The following E2F2 variants were observed in gnomAD, a reference collection of about 807,000 sequenced individuals.
E2F2 encodes the protein E2F transcription factor 2, also known as transcription factor E2F2.
E2F2 carries 22 observed loss-of-function variants against 42.2 expected under a neutral mutation model. The observed-to-expected ratio is 0.52, with a 90% confidence interval of 0.37 to 0.74. E2F2 has a LOEUF of 0.74. Ranked by LOEUF, E2F2 falls within the 30% of genes least tolerant of loss-of-function variation. The pLI is 0.00. For missense variants in E2F2, 481 were observed against 557.8 expected (o/e 0.86, Z 1.39); for synonymous variants, 248 against 251.6 (o/e 0.99, Z 0.13).
chr1:23,509,906 C>A lies in E2F2; in HGVS notation c.1288G>T (p.Asp430Tyr). The A allele has an allele frequency of 6.4e-7, 1 of 1,573,250 alleles. No individual in the cohort carries two copies. The highest frequency in any genetic ancestry group is 1.2e-5 in the South Asian group (1 of 84,646). ...CAATTAATCAACAGGTCCCCAAGGTCGTAGGAGTCGAAGAGATCGCTGATG... is the reference window on the plus strand; with the variant it reads ...CAATTAATCAACAGGTCCCCAAGGTAGTAGGAGTCGAAGAGATCGCTGATG... ...EGISDLFDSYDLGDLLIN is the reference protein window; with the variant it reads ...EGISDLFDSYYLGDLLIN The change falls in exon 7 of 7, where the codon GAC becomes TAC. Residue 430 changes from aspartate (D) to tyrosine (Y), a missense_variant. Coordinates refer to ENST00000361729, the MANE Select transcript of E2F2 (RefSeq NM_004091.4).
chr1:23,522,668 C>A (rs1429401131), intron 2 of E2F2, among the ~76,000 whole-genome samples: 2 of 152,174 alleles, frequency 1.3e-5, no homozygotes, highest in African/African-American at 4.8e-5. Context: ...GCTTTTTCTT[C>A]CCATGTGAAT....
chr1:23,528,345 A>T (rs886064373), intron 1 of E2F2, among the ~76,000 whole-genome samples: 1 of 152,222 alleles, frequency 6.6e-6, no homozygotes, highest in African/African-American at 2.4e-5. Flanking sequence ...CAGCCCGGCC[A>T]CAAAGCAAGC....
chr1:23,512,122 C>T (rs1206937302), intron 6 of E2F2, among the ~76,000 whole-genome samples: 1 of 152,100 alleles, frequency 6.6e-6, no homozygotes, highest in Non-Finnish European at 1.5e-5. Context: ...CATTGGAACC[C>T]AGGAGGTGGA....
intron 5 of E2F2, among the ~76,000 whole-genome samples, chr1:23,516,798 C>CGGG (rs71023283): frequency 1.8e-4 from 15 of 81,806 alleles, no homozygotes; most frequent in East Asian, 3.2e-4. Flanking sequence ...AGTTTTGGGG[C>CGGG]GGGGGGGGGG....
chr1:23,519,172 T>C (rs1354820833), intron 4 of E2F2, 42 bp from the exon 5 acceptor site: 4 of 1,536,788 alleles, frequency 2.6e-6, no homozygotes, highest in Non-Finnish European at 3.6e-6. Context: ...CTGGTCAAAA[T>C]TCAAACCCCA....
chr1:23,520,864 T>C (rs780018800), intron 4 of E2F2, 49 bp downstream of exon 4: 2 of 1,486,010 alleles, frequency 1.3e-6, no homozygotes, highest in Non-Finnish European at 1.8e-6. Context: ...GATATAAACA[T>C]GCAACAGGTT....
intron 2 of E2F2, 81 bp downstream of exon 2, chr1:23,524,302 T>C (rs1295727114): frequency 6.5e-6 from 7 of 1,083,344 alleles, no homozygotes; most frequent in Non-Finnish European, 9.0e-6. Flanking sequence ...GTGATCCAAA[T>C]ATGACTACCA....
At chr1:23,519,805 C>G (rs966566019) in intron 4 of E2F2, among the ~76,000 whole-genome samples, 1 of 151,966 alleles carries the variant, frequency 6.6e-6, no homozygotes, top group African/African-American at 2.4e-5. Flanking sequence ...AGGCCGGGTG[C>G]GGTATCTCAC....
downstream of E2F2, among the ~76,000 whole-genome samples, chr1:23,505,664 A>G (rs371067289): frequency 8.6e-5 from 13 of 151,176 alleles, no homozygotes; most frequent in East Asian, 7.8e-4. Context: ...AGGCGCCTGC[A>G]ACCATGCCCG....
chr1:23,510,126 G>C lies in E2F2; in HGVS notation c.1068C>G (p.Pro356=), dbSNP rs1411242254. The C allele has an allele frequency of 6.2e-7, 1 of 1,601,812 alleles. No individual in the cohort carries two copies. Among genetic ancestry groups the C allele is most frequent in the South Asian group, 1.1e-5 (1 of 88,706 alleles). Residue 356 remains proline, a synonymous_variant, in exon 7 of 7, where the codon CCC becomes CCG. Coordinates refer to ENST00000361729, the MANE Select transcript of E2F2 (RefSeq NM_004091.4). The part of the protein sequence containing the change: ...ASSVPAPAPT[P]QQAPPPPSLV... The stretch of plus-strand genomic sequence containing the variant: ...GGGATGGAGGCGGTGGGGCCTGCTG[G>C]GGGGTTGGCGCTGGTGCTGGCACTG...
downstream of E2F2, among the ~76,000 whole-genome samples, chr1:23,505,759 C>G (rs112289580): frequency 1.3e-5 from 2 of 152,184 alleles, no homozygotes; most frequent in Admixed American, 1.3e-4. Flanking sequence ...GCGATCCGCC[C>G]GCCTTGGACT....
At chr1:23,522,686 A>G (rs1358552873) in intron 2 of E2F2, among the ~76,000 whole-genome samples, 1 of 152,216 alleles carries the variant, frequency 6.6e-6, no homozygotes, top group Non-Finnish European at 1.5e-5. Flanking sequence ...AATCACAATG[A>G]TTATCTGAGA....
chr1:23,527,124 C>T (rs1039032594), intron 1 of E2F2, among the ~76,000 whole-genome samples: 1 of 152,190 alleles, frequency 6.6e-6, no homozygotes, highest in Non-Finnish European at 1.5e-5. Context: ...GCATCTAGGC[C>T]TTCCCCTTCT....
At chr1:23,528,287 C>T (rs764561564) in intron 1 of E2F2, among the ~76,000 whole-genome samples, 5 of 152,228 alleles carry the variant, frequency 3.3e-5, no homozygotes, top group Non-Finnish European at 7.3e-5. Flanking sequence ...TGCCTGAGGT[C>T]CCTTTAAACA....
At chr1:23,514,218 C>T (rs1268161154) in intron 6 of E2F2, among the ~76,000 whole-genome samples, 4 of 152,214 alleles carry the variant, frequency 2.6e-5, no homozygotes, top group Non-Finnish European at 2.9e-5. Context: ...AAGGTGGTTC[C>T]AGCTTCGGAG....
chr1:23,523,425 G>A (rs1643190226), intron 2 of E2F2, among the ~76,000 whole-genome samples: 3 of 152,156 alleles, frequency 2.0e-5, no homozygotes, highest in Admixed American at 2.0e-4. Context: ...CCAAAGTGCT[G>A]GGATTATAGG....
In E2F2 at chr1:23,509,710, A is replaced by C. The variant is rs541491496; in HGVS notation, c.*170T>G. On this transcript the variant is annotated 3_prime_UTR_variant, in exon 7 of 7. Transcript: ENST00000361729. Reference sequence around the variant, plus strand: ...CCCTTATCCACTCCTCACCCGTACCATTCATATCTCCCCACACAGCTTCTG... The same window carrying C: ...CCCTTATCCACTCCTCACCCGTACCCTTCATATCTCCCCACACAGCTTCTG... The C allele has an allele frequency of 1.3e-4, 171 of 1,323,058 alleles. 3 individuals carry two copies. In the South Asian group the frequency reaches 2.9e-3, roughly 22 times the overall value. 82.0% of individuals were successfully genotyped at this position (1,323,058 alleles called of 1,614,324 possible). A position where few individuals can be genotyped will look rare whatever the true frequency, so the allele number is the denominator to read the frequency against.
At chr1:23,525,208 C>T (rs1643231301) in intron 1 of E2F2, among the ~76,000 whole-genome samples, 2 of 152,184 alleles carry the variant, frequency 1.3e-5, no homozygotes, top group Admixed American at 1.3e-4. Context: ...TCCAGCTCCC[C>T]CTTTCTGTTC....
chr1:23,529,786 A>C (rs1570476281), intron 1 of E2F2, among the ~76,000 whole-genome samples: 1 of 149,454 alleles, frequency 6.7e-6, no homozygotes, highest in South Asian at 2.2e-4. Flanking sequence ...TTCCCACTCC[A>C]CCCCCCACCC....
Sources: allele counts gnomAD v4.1 joint callset (sites outside exome capture counted in the v4.1 genomes callset), GRCh38; gene constraint gnomAD v4.1.1; transcripts MANE v1.5; gene names NCBI Gene and HGNC (gene_info 2026-07-23, HGNC 2026-07-21).